Variants in ASTN2 observed in about 807,000 individuals in gnomAD.
The protein encoded by ASTN2 is astrotactin 2.
Under a neutral mutation model 139.8 loss-of-function variants are expected in ASTN2, and 54 were observed. That is an observed-to-expected ratio of 0.39 (90% CI 0.31 to 0.48). The LOEUF is 0.48. Among genes scored for constraint, ASTN2 ranks in the 20% least tolerant of loss-of-function variants. The pLI is 0.95. For missense variants in ASTN2, 1,565 were observed against 1,725.1 expected (o/e 0.91, Z 1.64); for synonymous variants, 756 against 719.5 (o/e 1.05, Z -0.81).
chr9:116,473,795 G>A (rs563083312), intron 20 of ASTN2, among the ~76,000 whole-genome samples: 2 of 152,076 alleles, frequency 1.3e-5, no homozygotes, highest in South Asian at 2.1e-4. Flanking sequence ...CCAGCTACTC[G>A]GGAGGCTGAG....
Position 116,425,912 on chromosome 9 carries a change from G to A in ASTN2, c.3959C>T (p.Thr1320Met), listed in dbSNP as rs200876429. 1.4e-5 allele frequency: 22 copies of A among 1,614,106 alleles called. No individual in the cohort carries two copies. The Middle Eastern group carries it at 1.2e-3, about 85-fold the overall frequency. Residue 1320 changes from threonine (T) to methionine (M), a missense_variant, in exon 23 of 23, where the codon ACG becomes ATG. By Grantham distance (81) the Thr-to-Met change is moderately conservative (BLOSUM62 -1). Coordinates refer to ENST00000313400, the MANE Select transcript of ASTN2 (RefSeq NM_001365068.1). ...WYSILKDTKI[T>M]CEEKMVSMAR... ...CATTGACACCATCTTCTCCTCACAC[G>A]TGATTTTGGTGTCCTTGAGGATGCT... is the stretch of plus-strand genomic sequence containing the variant.
At chr9:117,401,071 G>A (rs376872849) in intron 1 of ASTN2, among the ~76,000 whole-genome samples, 5 of 152,040 alleles carry the variant, frequency 3.3e-5, no homozygotes, top group Admixed American at 6.6e-5. Context: ...ACTAAGTGCC[G>A]GGTACTGCTG....
At position 117,134,171 on chromosome 9, in the gene ASTN2, G is replaced by C. The variant is rs556539395; in HGVS notation, c.1168+7155C>G. Among the ~76,000 whole-genome samples the C allele has an allele frequency of 4.6e-5, 7 of 151,430 alleles. No homozygotes were observed. The East Asian group carries it at 1.4e-3, about 30-fold the overall frequency. On this transcript the variant is annotated intron_variant, in intron 4 of 22. Coordinates refer to ENST00000313400, the MANE Select transcript of ASTN2 (RefSeq NM_001365068.1). ...GGACTACCTGTTCAATATTTAAGCA[G>C]AGCAACGACCCATTAAGGCAACTAA...
At chr9:117,017,979 T>G (rs1284540161) in intron 6 of ASTN2, among the ~76,000 whole-genome samples, 1 of 146,944 alleles carries the variant, frequency 6.8e-6, no homozygotes, top group African/African-American at 2.5e-5. Context: ...AAAAGTCACC[T>G]TGCTCTCACT....
intron 1 of ASTN2, among the ~76,000 whole-genome samples, chr9:117,373,080 G>A (rs766962497): frequency 2.6e-5 from 4 of 152,182 alleles, no homozygotes; most frequent in East Asian, 3.9e-4. Context: ...GCTGTCATTC[G>A]CATCATTGTT....
At chr9:116,823,845 A>G (rs1458400896) in intron 11 of ASTN2, among the ~76,000 whole-genome samples, 2 of 152,172 alleles carry the variant, frequency 1.3e-5, no homozygotes, top group Non-Finnish European at 2.9e-5. Flanking sequence ...TCCTTCCTCT[A>G]TCATGGACTT....
intron 19 of ASTN2, among the ~76,000 whole-genome samples, chr9:116,541,860 A>G (rs553706799): frequency 8.5e-5 from 13 of 152,298 alleles, no homozygotes; most frequent in Admixed American, 8.5e-4. Context: ...AAATTTTAAG[A>G]TAATTGTAGA....
At chr9:116,677,469 G>T (rs573610765) in intron 16 of ASTN2, among the ~76,000 whole-genome samples, 1 of 152,290 alleles carries the variant, frequency 6.6e-6, no homozygotes, top group East Asian at 1.9e-4. Flanking sequence ...GAGAGCTTTG[G>T]TTTGTAATAA....
At chr9:116,784,805 T>C (rs1180207007) in intron 13 of ASTN2, among the ~76,000 whole-genome samples, 3 of 151,938 alleles carry the variant, frequency 2.0e-5, no homozygotes, top group African/African-American at 7.3e-5. Context: ...GCCGCATGCC[T>C]GTGATCCCAG....
chr9:116,839,217 A>G (rs1832114669), intron 11 of ASTN2, among the ~76,000 whole-genome samples: 1 of 151,794 alleles, frequency 6.6e-6, no homozygotes, highest in African/African-American at 2.4e-5. Flanking sequence ...GTGCAATCAT[A>G]GCTCACTGCA....
chr9:116,964,188 A>G (rs564516890), intron 10 of ASTN2, among the ~76,000 whole-genome samples: 41 of 146,146 alleles, frequency 2.8e-4, no homozygotes, highest in African/African-American at 1.0e-3. Context: ...GACATATCCA[A>G]CTCATCTTTC....
chr9:116,655,718 G>A (rs564297523), intron 16 of ASTN2, among the ~76,000 whole-genome samples: 2 of 151,968 alleles, frequency 1.3e-5, no homozygotes, highest in South Asian at 2.1e-4. Context: ...TATATACAGC[G>A]TCTCACTCTG....
chr9:117,275,455 T>G (rs1216972827), intron 2 of ASTN2, among the ~76,000 whole-genome samples: 3 of 152,128 alleles, frequency 2.0e-5, no homozygotes, highest in Non-Finnish European at 4.4e-5. Flanking sequence ...CAGGATTGGT[T>G]TCTGGTAAGG....
At chr9:117,242,599 C>A (rs1171996252) in intron 2 of ASTN2, among the ~76,000 whole-genome samples, 1 of 152,150 alleles carries the variant, frequency 6.6e-6, no homozygotes, top group East Asian at 1.9e-4. Context: ...ATATGGGTGG[C>A]CTTGGAGACA....
At chr9:117,017,896 T>C (rs891909263) in intron 6 of ASTN2, among the ~76,000 whole-genome samples, 11 of 151,744 alleles carry the variant, frequency 7.2e-5, no homozygotes, top group African/African-American at 2.7e-4. Flanking sequence ...ATATAGATGG[T>C]GTCTTCTGAA....
chr9:117,406,124 A>G (rs964915962), intron 1 of ASTN2, among the ~76,000 whole-genome samples: 5 of 152,176 alleles, frequency 3.3e-5, no homozygotes, highest in African/African-American at 4.8e-5. Context: ...GTGCCAAGTA[A>G]AGGGTGAGTC....
chr9:116,995,711 C>T (rs1276459808), intron 7 of ASTN2, among the ~76,000 whole-genome samples: 4 of 152,168 alleles, frequency 2.6e-5, no homozygotes, highest in African/African-American at 9.7e-5. Flanking sequence ...ACCATCACTT[C>T]CTAAATGACT....
intron 5 of ASTN2, among the ~76,000 whole-genome samples, chr9:117,069,401 C>A (rs1828045547): frequency 9.1e-6 from 1 of 109,394 alleles, no homozygotes; most frequent in African/African-American, 4.0e-5. Context: ...TGTTCTTTTA[C>A]ATTTGCTGAG....
chr9:116,704,979 T>C (rs1048945394), intron 16 of ASTN2, among the ~76,000 whole-genome samples: 5 of 152,174 alleles, frequency 3.3e-5, no homozygotes, highest in African/African-American at 1.2e-4. Context: ...AACATGCATG[T>C]TTAGCTATTT....
Sources: allele counts gnomAD v4.1 joint callset (sites outside exome capture counted in the v4.1 genomes callset), GRCh38; gene constraint gnomAD v4.1.1; transcripts MANE v1.5; gene names NCBI Gene and HGNC (gene_info 2026-07-23, HGNC 2026-07-21).